Variants in PRKG2 observed in about 807,000 individuals in gnomAD.
The protein encoded by PRKG2 is cGMP-dependent protein kinase 2.
A neutral mutation model predicts 97.2 loss-of-function variants in PRKG2; 33 were observed. That is an observed-to-expected ratio of 0.34 (90% CI 0.26 to 0.45). PRKG2 has a LOEUF of 0.45. Among genes scored for constraint, PRKG2 ranks in the 20% least tolerant of loss-of-function variants. The pLI is 1.00. For synonymous variants in PRKG2, 330 were observed against 321.8 expected (o/e 1.03, Z -0.27); for missense variants, 638 against 900.0 (o/e 0.71, Z 3.73).
chr4:81,169,216 C>T (rs189604279), intron 5 of PRKG2, among the ~76,000 whole-genome samples: 12 of 151,998 alleles, frequency 7.9e-5, no homozygotes, highest in African/African-American at 1.4e-4. Context: ...TGGAAGATGG[C>T]GTGACTATGC....
At chr4:81,190,533 A>T (rs1412057469) in intron 2 of PRKG2, among the ~76,000 whole-genome samples, 3 of 152,196 alleles carry the variant, frequency 2.0e-5, no homozygotes, top group Non-Finnish European at 4.4e-5. Context: ...ATGGGCAAAG[A>T]CTTCATGACT....
chr4:81,149,042 A>G, intron 8 of PRKG2, 90 bp from the exon 9 acceptor site: 1 of 1,234,404 alleles, frequency 8.1e-7, no homozygotes, highest in Non-Finnish European at 1.2e-6. Flanking sequence ...TTGTATGAAA[A>G]CACCACCATC....
chr4:81,126,281 T>C (rs1745544468), intron 14 of PRKG2, among the ~76,000 whole-genome samples: 1 of 152,224 alleles, frequency 6.6e-6, no homozygotes, highest in Admixed American at 6.5e-5. Context: ...CTATCACTGA[T>C]GGGCATTTGA....
At chr4:81,212,732 T>C (rs1578535098) in intron 1 of PRKG2, among the ~76,000 whole-genome samples, 1 of 152,150 alleles carries the variant, frequency 6.6e-6, no homozygotes, top group African/African-American at 2.4e-5. Flanking sequence ...GTTGATGAAT[T>C]GGAGGCAAGT....
chr4:81,119,294 TA>T (rs1001550396), intron 14 of PRKG2, among the ~76,000 whole-genome samples: 2 of 152,230 alleles, frequency 1.3e-5, no homozygotes, highest in African/African-American at 4.8e-5. Context: ...TCATGAAGGG[TA>T]CATGGTCTGT....
At chr4:81,094,629 G>A (rs1250205465) in intron 17 of PRKG2, among the ~76,000 whole-genome samples, 1 of 152,056 alleles carries the variant, frequency 6.6e-6, no homozygotes. Flanking sequence ...TCGGGAATAG[G>A]AACAGGTTGG....
At chr4:81,155,010 T>TAA (rs1748886509) in intron 6 of PRKG2, among the ~76,000 whole-genome samples, 1 of 150,592 alleles carries the variant, frequency 6.6e-6, no homozygotes, top group African/African-American at 2.5e-5. Context: ...CCGTCTCTAC[T>TAA]AAAAATACAA....
At chr4:81,213,961 T>C (rs1470244056) in intron 1 of PRKG2, among the ~76,000 whole-genome samples, 2 of 152,170 alleles carry the variant, frequency 1.3e-5, no homozygotes, top group Non-Finnish European at 2.9e-5. Flanking sequence ...TAGAGAATTC[T>C]CTACCATATT....
chr4:81,143,063 T>A, intron 10 of PRKG2, 116 bp from the exon 11 acceptor site: 1 of 1,332,408 alleles, frequency 7.5e-7, no homozygotes. Context: ...TGATTTATAG[T>A]TGCCACAAAG....
chr4:81,128,455 T>A (rs1745827619), intron 14 of PRKG2, among the ~76,000 whole-genome samples: 2 of 152,212 alleles, frequency 1.3e-5, no homozygotes. Context: ...TGAATCCATC[T>A]GGTCTTGGGC....
chr4:81,154,530 G>C (rs1464181558), intron 6 of PRKG2, among the ~76,000 whole-genome samples: 2 of 109,420 alleles, frequency 1.8e-5, no homozygotes, highest in African/African-American at 1.4e-4. Flanking sequence ...ACACGGCAGG[G>C]TACTCCAACA....
chr4:81,133,457 T>C (rs1746368099), intron 14 of PRKG2, among the ~76,000 whole-genome samples: 1 of 152,100 alleles, frequency 6.6e-6, no homozygotes, highest in South Asian at 2.1e-4. Flanking sequence ...CCACCTAGGA[T>C]TGCTAGGTGC....
intron 2 of PRKG2, among the ~76,000 whole-genome samples, chr4:81,180,426 G>T (rs902251355): frequency 6.6e-6 from 1 of 151,920 alleles, no homozygotes; most frequent in South Asian, 2.1e-4. Flanking sequence ...GTATGGAAAG[G>T]CTGAAAATAA....
intron 2 of PRKG2, chr4:81,176,078 T>C (rs1750897003): frequency 6.6e-6 from 1 of 152,154 alleles, no homozygotes; most frequent in South Asian, 2.1e-4. Flanking sequence ...CATGACTCTA[T>C]CCATCATATC....
chr4:81,177,297 A>G (rs533664128), intron 2 of PRKG2, among the ~76,000 whole-genome samples: 1 of 152,384 alleles, frequency 6.6e-6, no homozygotes, highest in African/African-American at 2.4e-5. Context: ...AAAAGTTTCC[A>G]AACTTTTATA....
chr4:81,178,251 G>A (rs1442173453), intron 2 of PRKG2, among the ~76,000 whole-genome samples: 1 of 151,942 alleles, frequency 6.6e-6, no homozygotes, highest in Non-Finnish European at 1.5e-5. Context: ...CTGCCTGCCA[G>A]AAGTAAAAGT....
At chr4:81,101,251 A>G (rs1742728636) in intron 17 of PRKG2, among the ~76,000 whole-genome samples, 2 of 152,158 alleles carry the variant, frequency 1.3e-5, no homozygotes, top group African/African-American at 4.8e-5. Context: ...ATGCTGCTAT[A>G]AAAACACATG....
intron 2 of PRKG2, among the ~76,000 whole-genome samples, chr4:81,192,719 G>T (rs1752650965): frequency 6.6e-6 from 1 of 152,184 alleles, no homozygotes; most frequent in Admixed American, 6.5e-5. Context: ...CTTTCTGGGG[G>T]AAAGAGTGGA....
At chr4:81,111,692 C>T (rs1384635879) in intron 14 of PRKG2, among the ~76,000 whole-genome samples, 3 of 152,078 alleles carry the variant, frequency 2.0e-5, no homozygotes, top group Admixed American at 6.5e-5. Flanking sequence ...CAAAGAACTC[C>T]GTGCACAGAA....
Sources: allele counts gnomAD v4.1 joint callset (sites outside exome capture counted in the v4.1 genomes callset), GRCh38; gene constraint gnomAD v4.1.1; transcripts MANE v1.5; gene names NCBI Gene and HGNC (gene_info 2026-07-23, HGNC 2026-07-21).